The following ADCY8 variants were observed in gnomAD, a reference collection of about 807,000 sequenced individuals.
ADCY8 encodes the protein adenylate cyclase 8, also known as adenylate cyclase type 8.
ADCY8 carries 51 observed loss-of-function variants against 119.7 expected under a neutral mutation model. The ratio of observed to expected loss-of-function variants is 0.43; its 90% CI spans 0.34 to 0.54. The LOEUF (loss-of-function observed/expected upper bound fraction) is 0.54. Ranked by LOEUF, ADCY8 falls within the 20% of genes least tolerant of loss-of-function variation. ADCY8 has a pLI of 0.03. For synonymous variants in ADCY8, 665 were observed against 651.0 expected (o/e 1.02, Z -0.33); for missense variants, 1,383 against 1,598.8 (o/e 0.87, Z 2.30).
In ADCY8 at chr8:130,951,872, C is replaced by T. The variant is rs149234763; in HGVS notation, c.1237G>A (p.Val413Ile). Residue 413 changes from valine to isoleucine, a missense_variant, in exon 3 of 18, where the codon GTC becomes ATC. Coordinates refer to ENST00000286355, the MANE Select transcript of ADCY8 (RefSeq NM_001115.3). The part of the protein sequence containing the change: ...HRIYIHRYEN[V>I]SILFADVKGF... ...CAAGGGTGTTGTGTTTCTCACCTGA[C>T]GTTCTCATAGCGATGGATGTAGATC... is the stretch of plus-strand genomic sequence containing the variant. 1.6e-4 allele frequency: 255 copies of T among 1,613,970 alleles called. No homozygotes were observed. In the African/African-American group the frequency reaches 2.6e-3, roughly 16 times the overall value.
intron 7 of ADCY8, among the ~76,000 whole-genome samples, chr8:130,901,859 G>A (rs1819614994): frequency 6.6e-6 from 1 of 152,086 alleles, no homozygotes; most frequent in Admixed American, 6.6e-5. Context: ...ACACGGTATG[G>A]TTAAACAACA....
chr8:130,890,418 G>C (rs1165279665), intron 7 of ADCY8, among the ~76,000 whole-genome samples: 1 of 152,110 alleles, frequency 6.6e-6, no homozygotes, highest in Non-Finnish European at 1.5e-5. Context: ...GTCTTTCACT[G>C]CAAAAGTCCC....
chr8:131,039,661 C>G lies in ADCY8; in HGVS notation c.673G>C (p.Val225Leu). 1 of 1,614,186 alleles carries G rather than the reference C, an allele frequency of 6.2e-7. No homozygotes were observed. The change falls in exon 1 of 18, where the codon GTG becomes CTG. Residue 225 changes from valine (V) to leucine (L), a missense_variant. Coordinates refer to ENST00000286355, the MANE Select transcript of ADCY8 (RefSeq NM_001115.3). ...LLGFFTGIEV[V>L]ICALVVVRKD... The stretch of plus-strand genomic sequence containing the variant: ...CTGACCACCACCAGGGCGCAGATCA[C>G]TACCTCAATGCCGGTGAAGAAGCCC...
At chr8:131,026,352 C>A (rs1823822941) in intron 1 of ADCY8, among the ~76,000 whole-genome samples, 1 of 152,102 alleles carries the variant, frequency 6.6e-6, no homozygotes, top group Non-Finnish European at 1.5e-5. Context: ...TTTGAGCTTC[C>A]CAGCCTCCAG....
chr8:130,914,820 C>T (rs573857776), intron 5 of ADCY8, among the ~76,000 whole-genome samples: 75 of 152,344 alleles, frequency 4.9e-4, no homozygotes, highest in Non-Finnish European at 9.6e-4. Context: ...CTTCTCTAGA[C>T]ACTCGGATTC....
At chr8:130,969,247 C>T (rs1821853072) in intron 2 of ADCY8, among the ~76,000 whole-genome samples, 1 of 152,052 alleles carries the variant, frequency 6.6e-6, no homozygotes. Flanking sequence ...CTGACCTCTC[C>T]CAAGCAGAAA....
chr8:130,992,031 G>A (rs1822594108), intron 1 of ADCY8, among the ~76,000 whole-genome samples: 1 of 150,494 alleles, frequency 6.6e-6, no homozygotes, highest in African/African-American at 2.4e-5. Flanking sequence ...TAACCATTTT[G>A]AAAAAATTAC....
intron 5 of ADCY8, among the ~76,000 whole-genome samples, chr8:130,912,098 T>C (rs965934055): frequency 6.6e-6 from 1 of 152,190 alleles, no homozygotes; most frequent in Non-Finnish European, 1.5e-5. Context: ...TACTCCATCT[T>C]TTAGAGTGAA....
chr8:130,967,987 C>T (rs1490270225), intron 2 of ADCY8, among the ~76,000 whole-genome samples: 2 of 152,026 alleles, frequency 1.3e-5, no homozygotes, highest in Non-Finnish European at 2.9e-5. Context: ...ATAATAGCTC[C>T]CTTGTGAGAT....
chr8:130,953,912 A>G (rs1821348340), intron 2 of ADCY8, among the ~76,000 whole-genome samples: 1 of 152,242 alleles, frequency 6.6e-6, no homozygotes, highest in East Asian at 1.9e-4. Context: ...AAATGCCCCA[A>G]CATCATGTCC....
intron 8 of ADCY8, among the ~76,000 whole-genome samples, chr8:130,881,472 C>T (rs1452400615): frequency 6.6e-6 from 1 of 152,054 alleles, no homozygotes; most frequent in Admixed American, 6.6e-5. Flanking sequence ...TCTTATTGTT[C>T]AAACGGAATA....
At chr8:130,903,249 G>A (rs146994270) in intron 7 of ADCY8, among the ~76,000 whole-genome samples, 65 of 152,188 alleles carry the variant, frequency 4.3e-4, no homozygotes, top group Non-Finnish European at 7.6e-4. Flanking sequence ...TCATGTGGGT[G>A]GCTTTGAAAT....
chr8:130,955,074 T>C (rs540061177), intron 2 of ADCY8, among the ~76,000 whole-genome samples: 35 of 152,276 alleles, frequency 2.3e-4, no homozygotes, highest in African/African-American at 8.2e-4. Flanking sequence ...ATATGGGAGA[T>C]ATATAGATAC....
At position 130,916,036 on chromosome 8, in the gene ADCY8, A is replaced by G. The variant is rs752397565; in HGVS notation, c.1482-6170T>C. Among the ~76,000 whole-genome samples, 61 of 152,322 alleles carry G rather than the reference A, an allele frequency of 4.0e-4. No individual in the cohort carries two copies. In the Middle Eastern group the frequency reaches 0.01, roughly 25 times the overall value. Reference sequence around the variant, plus strand: ...TTTGTGCAGCTATGGAATCATCTTCATAACAAACCTGGGTATCACTACCAG... The same window carrying G: ...TTTGTGCAGCTATGGAATCATCTTCGTAACAAACCTGGGTATCACTACCAG... On this transcript the variant is annotated intron_variant, in intron 5 of 17. Coordinates refer to ENST00000286355, the MANE Select transcript of ADCY8 (RefSeq NM_001115.3).
chr8:131,025,789 G>A (rs1823804851), intron 1 of ADCY8, among the ~76,000 whole-genome samples: 1 of 152,208 alleles, frequency 6.6e-6, no homozygotes, highest in African/African-American at 2.4e-5. Context: ...CAGCCCCTGA[G>A]AACAAGTGCT....
At chr8:130,814,301 G>C (rs963366726) in intron 13 of ADCY8, 74 bp from the exon 14 acceptor site, 2 of 1,523,810 alleles carry the variant, frequency 1.3e-6, no homozygotes, top group African/African-American at 2.7e-5. Context: ...AGACAACTGG[G>C]AGGCAGGAAA....
At chr8:130,838,046 A>G (rs1358198189) in intron 11 of ADCY8, among the ~76,000 whole-genome samples, 1 of 152,200 alleles carries the variant, frequency 6.6e-6, no homozygotes, top group Non-Finnish European at 1.5e-5. Context: ...TACATAGACA[A>G]TTTTTGTATG....
chr8:130,847,114 TG>T (rs965792189), intron 11 of ADCY8, among the ~76,000 whole-genome samples: 3 of 148,090 alleles, frequency 2.0e-5, no homozygotes, highest in Non-Finnish European at 4.5e-5. Flanking sequence ...TAAGGGCAAA[TG>T]GAAAATGGAT....
intron 7 of ADCY8, among the ~76,000 whole-genome samples, chr8:130,893,868 ATG>A (rs779058522): frequency 4.8e-5 from 7 of 145,276 alleles, no homozygotes; most frequent in Admixed American, 1.4e-4. Context: ...GTGCATGTTT[ATG>A]TGTGTGTTTG....
Sources: allele counts gnomAD v4.1 joint callset (sites outside exome capture counted in the v4.1 genomes callset), GRCh38; gene constraint gnomAD v4.1.1; transcripts MANE v1.5; gene names NCBI Gene and HGNC (gene_info 2026-07-23, HGNC 2026-07-21).